The following PRKAR2A variants were observed in gnomAD, a reference collection of about 807,000 sequenced individuals.
The protein encoded by PRKAR2A is cAMP-dependent protein kinase type II-alpha regulatory subunit.
In PRKAR2A, 29 loss-of-function variants were observed where a neutral mutation model predicts 51.9. The ratio of observed to expected loss-of-function variants is 0.56; its 90% CI spans 0.42 to 0.76. The LOEUF is 0.76. Ranked by LOEUF, PRKAR2A falls within the 30% of genes least tolerant of loss-of-function variation. PRKAR2A has a pLI of 0.00. For missense variants in PRKAR2A, 445 were observed against 512.1 expected, an observed-to-expected ratio of 0.87 and a Z score of 1.26; for synonymous variants, 178 against 186.2, an observed-to-expected ratio of 0.96 and a Z score of 0.36.
At chr3:48,761,436 G>T (rs1024140647) in intron 8 of PRKAR2A, among the ~76,000 whole-genome samples, 1 of 152,162 alleles carries the variant, frequency 6.6e-6, no homozygotes, top group Non-Finnish European at 1.5e-5. Context: ...TATAAACTTA[G>T]ATGTGCTATA....
chr3:48,847,720 G>T lies in PRKAR2A; in HGVS notation c.-124C>A. 1 of 1,008,972 alleles carries T rather than the reference G, an allele frequency of 9.9e-7. No homozygotes were observed. Among genetic ancestry groups the T allele is most frequent in the Non-Finnish European group, 1.3e-6 (1 of 752,602 alleles). The allele number at this position is 1,008,972 out of a possible 1,614,324, so 62.5% of individuals were successfully genotyped here. On this transcript the variant is annotated 5_prime_UTR_variant, in exon 1 of 11. Coordinates refer to ENST00000265563, the MANE Select transcript of PRKAR2A (RefSeq NM_004157.4). This position sits in a 1 kb window ranked among gnomAD's most constrained non-coding sequence, Gnocchi z 4.4. ...TTCGCGCACGGCCCCGGCTCACGTC[G>T]CGCCGCTCTTTGGCCGGCTCTGCGT...
intron 5 of PRKAR2A, among the ~76,000 whole-genome samples, chr3:48,777,218 C>A (rs1437747351): frequency 2.0e-5 from 3 of 152,166 alleles, no homozygotes; most frequent in Non-Finnish European, 4.4e-5. Flanking sequence ...GCCCTGCTCT[C>A]TCTAAAAAGG....
At chr3:48,778,718 C>A (rs1435550185) in intron 5 of PRKAR2A, among the ~76,000 whole-genome samples, 1 of 151,720 alleles carries the variant, frequency 6.6e-6, no homozygotes, top group Non-Finnish European at 1.5e-5. Flanking sequence ...TGGGGTTTCA[C>A]CATGTTAGCC....
intron 4 of PRKAR2A, among the ~76,000 whole-genome samples, 156 bp downstream of exon 4, chr3:48,790,388 T>C (rs2082364991): frequency 6.6e-6 from 1 of 152,140 alleles, no homozygotes; most frequent in Non-Finnish European, 1.5e-5. Context: ...TGGGTTAAAG[T>C]GGTCAATACA....
intron 1 of PRKAR2A, among the ~76,000 whole-genome samples, chr3:48,839,656 G>T (rs1271983388): frequency 1.3e-5 from 2 of 152,070 alleles, no homozygotes; most frequent in Admixed American, 1.3e-4. Flanking sequence ...TTTCCAATAG[G>T]ATACAATTTT....
chr3:48,764,292 CT>C (rs1339313102), intron 8 of PRKAR2A, among the ~76,000 whole-genome samples: 4 of 152,282 alleles, frequency 2.6e-5, no homozygotes, highest in Admixed American at 6.5e-5. Flanking sequence ...ATCTTTACAT[CT>C]TACAAATTTG....
chr3:48,760,776 G>C (rs1219600554), intron 8 of PRKAR2A, among the ~76,000 whole-genome samples: 1 of 150,092 alleles, frequency 6.7e-6, no homozygotes, highest in African/African-American at 2.5e-5. Context: ...CGGGGGTGGT[G>C]GTGAGCTGAG....
At chr3:48,817,110 C>T (rs968420353) in intron 1 of PRKAR2A, among the ~76,000 whole-genome samples, 4 of 151,846 alleles carry the variant, frequency 2.6e-5, no homozygotes, top group Non-Finnish European at 5.9e-5. Flanking sequence ...AGGTGGATCA[C>T]GAGATCAAGA....
intron 1 of PRKAR2A, among the ~76,000 whole-genome samples, chr3:48,840,567 CTTTTTTTTTT>C (rs760883553): frequency 1.4e-5 from 1 of 69,468 alleles, no homozygotes; most frequent in Non-Finnish European, 2.7e-5. Context: ...TTGTTTTCAC[CTTTTTTTTTT>C]TTTTTTTTTT....
At chr3:48,819,336 A>G (rs1019805337) in intron 1 of PRKAR2A, among the ~76,000 whole-genome samples, 2 of 152,164 alleles carry the variant, frequency 1.3e-5, no homozygotes, top group Non-Finnish European at 2.9e-5. Context: ...TTTGTTAGTT[A>G]CAATTTTTGA....
chr3:48,745,006 T>C (rs1201265040), downstream of PRKAR2A, among the ~76,000 whole-genome samples: 2 of 151,528 alleles, frequency 1.3e-5, no homozygotes, highest in Admixed American at 1.3e-4. Flanking sequence ...TCCTGAGTAG[T>C]TGGGATTACA....
At chr3:48,826,045 T>C (rs1271373171) in intron 1 of PRKAR2A, among the ~76,000 whole-genome samples, 2 of 152,198 alleles carry the variant, frequency 1.3e-5, no homozygotes, top group African/African-American at 2.4e-5. Flanking sequence ...GCACGATCAC[T>C]GGAGCCCAGG....
chr3:48,759,449 C>T (rs908648478), intron 8 of PRKAR2A, among the ~76,000 whole-genome samples: 19 of 150,966 alleles, frequency 1.3e-4, no homozygotes, highest in African/African-American at 3.4e-4. Context: ...CGCAATGGCG[C>T]GATCTTGGCT....
rs556714765 is a variant in PRKAR2A at position 48,748,864 on chromosome 3, C to A, written c.*2721G>T. 6.6e-6 allele frequency: 1 copy of A among 152,320 alleles called. No homozygotes were observed. Among genetic ancestry groups the A allele is most frequent in the African/African-American group, 2.4e-5 (1 of 41,566 alleles). 9.4% of individuals were successfully genotyped at this position (152,320 alleles called of 1,614,324 possible). ...TATGGGGTCACCACATGGGCTTTCC[C>A]AGTGCTAGCTGCCTGTTTTGGAAAG... On this transcript the variant is annotated 3_prime_UTR_variant, in exon 11 of 11. Coordinates refer to ENST00000265563, the MANE Select transcript of PRKAR2A (RefSeq NM_004157.4).
chr3:48,781,137 ATT>A (rs71077735), intron 5 of PRKAR2A, among the ~76,000 whole-genome samples: 14 of 124,258 alleles, frequency 1.1e-4, no homozygotes, highest in Admixed American at 1.6e-4. Context: ...TGCCTGGCTA[ATT>A]TTTTTTTTTT....
intron 1 of PRKAR2A, among the ~76,000 whole-genome samples, chr3:48,837,818 AAAG>A (rs2083307915): frequency 6.6e-6 from 1 of 152,192 alleles, no homozygotes; most frequent in African/African-American, 2.4e-5. Context: ...AAAAAAAAAA[AAAG>A]TACTGATACA....
intron 8 of PRKAR2A, among the ~76,000 whole-genome samples, chr3:48,762,577 G>A (rs2081879431): frequency 6.6e-6 from 1 of 152,132 alleles, no homozygotes; most frequent in East Asian, 1.9e-4. Flanking sequence ...AGAGGTTGCA[G>A]TGAGCTGAGA....
chr3:48,748,276 T>G lies in PRKAR2A; in HGVS notation c.*3309A>C, dbSNP rs2081591368. On this transcript the variant is annotated 3_prime_UTR_variant, in exon 11 of 11. Coordinates refer to ENST00000265563, the MANE Select transcript of PRKAR2A (RefSeq NM_004157.4). ...CTGAGTGTGCACCACCAGGTCCAGC[T>G]AATTGTTTTTTTAACTTTTTTTTTT... 1 of 151,064 alleles carries G rather than the reference T, an allele frequency of 6.6e-6. No homozygotes were observed. The highest frequency in any genetic ancestry group is 2.4e-5 in the African/African-American group (1 of 40,964). The allele number at this position is 151,064 out of a possible 1,614,324, so 9.4% of individuals were successfully genotyped here.
intron 1 of PRKAR2A, among the ~76,000 whole-genome samples, chr3:48,840,567 CTTTTTTTTT>C (rs760883553): frequency 2.9e-5 from 2 of 69,520 alleles, no homozygotes; most frequent in Non-Finnish European, 5.5e-5. Context: ...TTGTTTTCAC[CTTTTTTTTT>C]TTTTTTTTTT....
Sources: gnomAD v4.1 joint callset for allele counts (sites outside exome capture counted in the v4.1 genomes callset) on GRCh38, gnomAD v4.1.1 for gene constraint, Gnocchi (gnomAD v3.1) non-coding constraint, MANE v1.5 for transcripts, NCBI Gene and HGNC (gene_info 2026-07-23, HGNC 2026-07-21) for gene names.